ME3: variants seen among roughly 807,000 people sequenced by gnomAD.
ME3 encodes malic enzyme 3.
Under a neutral mutation model 68.9 loss-of-function variants are expected in ME3, and 48 were observed. The observed-to-expected ratio is 0.70, with a 90% confidence interval of 0.55 to 0.89. ME3 has a LOEUF of 0.89. ME3 is among the 40% of genes least tolerant of loss of function. The pLI is 0.00. For missense variants in ME3, 675 were observed against 797.4 expected, an observed-to-expected ratio of 0.85 and a Z score of 1.85; for synonymous variants, 320 against 318.8, an observed-to-expected ratio of 1.00 and a Z score of -0.04.
At chr11:86,643,128 A>T (rs1258838435) in intron 2 of ME3, among the ~76,000 whole-genome samples, 2 of 152,124 alleles carry the variant, frequency 1.3e-5, no homozygotes, top group African/African-American at 4.8e-5. Flanking sequence ...TATTCGTCAT[A>T]CAAGGTCCTC....
intron 4 of ME3, among the ~76,000 whole-genome samples, chr11:86,551,556 G>T (rs146167615): frequency 3.3e-5 from 5 of 152,108 alleles, no homozygotes; most frequent in Non-Finnish European, 5.9e-5. Flanking sequence ...ATTGGCTCTT[G>T]GTCAGCTGTG....
chr11:86,493,955 A>G (rs982816797), intron 6 of ME3, among the ~76,000 whole-genome samples: 2 of 152,174 alleles, frequency 1.3e-5, no homozygotes, highest in African/African-American at 2.4e-5. Flanking sequence ...ATAAAAGTGT[A>G]GAAGGCCAAG....
At chr11:86,498,317 C>A (rs1952500294) in intron 5 of ME3, among the ~76,000 whole-genome samples, 193 bp from the exon 6 acceptor site, 1 of 152,172 alleles carries the variant, frequency 6.6e-6, no homozygotes, top group Non-Finnish European at 1.5e-5. Flanking sequence ...AGGCTGGTGA[C>A]AAACCCTACT....
At chr11:86,494,962 A>T (rs941709374) in intron 6 of ME3, among the ~76,000 whole-genome samples, 1 of 152,234 alleles carries the variant, frequency 6.6e-6, no homozygotes. Context: ...TTTGGAAAGA[A>T]ACACAAATGC....
At chr11:86,604,329 A>T (rs931057821) in intron 2 of ME3, among the ~76,000 whole-genome samples, 1 of 152,062 alleles carries the variant, frequency 6.6e-6, no homozygotes, top group Non-Finnish European at 1.5e-5. Context: ...CCAGTCTTTC[A>T]GGTTAAATTT....
At chr11:86,508,508 A>C (rs1404295044) in intron 5 of ME3, among the ~76,000 whole-genome samples, 1 of 152,240 alleles carries the variant, frequency 6.6e-6, no homozygotes, top group African/African-American at 2.4e-5. Context: ...TCTACCATGG[A>C]AACTGGCACC....
downstream of ME3, among the ~76,000 whole-genome samples, chr11:86,437,715 A>C (rs554000914): frequency 6.6e-6 from 1 of 152,222 alleles, no homozygotes; most frequent in South Asian, 2.1e-4. Flanking sequence ...TTTTTGATGC[A>C]GTTGTAAATG....
chr11:86,491,917 T>C (rs1361572034), intron 6 of ME3, among the ~76,000 whole-genome samples: 1 of 152,240 alleles, frequency 6.6e-6, no homozygotes, highest in Non-Finnish European at 1.5e-5. Flanking sequence ...TGTCCTGTAT[T>C]TTTATTTGCT....
At chr11:86,638,882 C>A (rs755121684) in intron 2 of ME3, among the ~76,000 whole-genome samples, 1 of 152,126 alleles carries the variant, frequency 6.6e-6, no homozygotes, top group Non-Finnish European at 1.5e-5. Flanking sequence ...ACTTTACTCC[C>A]CCGACTTGCC....
intron 4 of ME3, among the ~76,000 whole-genome samples, chr11:86,521,889 G>A (rs1456927770): frequency 6.6e-6 from 1 of 152,004 alleles, no homozygotes; most frequent in Non-Finnish European, 1.5e-5. Context: ...CTGTGAAGTG[G>A]CTTACAGTTG....
At chr11:86,618,550 A>G (rs756522066) in intron 2 of ME3, among the ~76,000 whole-genome samples, 41 of 151,974 alleles carry the variant, frequency 2.7e-4, no homozygotes, top group Non-Finnish European at 5.4e-4. Flanking sequence ...GCTGGTCACA[A>G]TTGTTTCTGA....
intron 2 of ME3, among the ~76,000 whole-genome samples, chr11:86,640,375 G>A (rs1944594144): frequency 1.3e-5 from 2 of 152,216 alleles, no homozygotes; most frequent in Admixed American, 1.3e-4. Context: ...ATGGACCTCA[G>A]TGACCCTGAA....
intron 4 of ME3, among the ~76,000 whole-genome samples, chr11:86,531,245 G>A (rs1015610987): frequency 2.6e-5 from 4 of 152,182 alleles, no homozygotes; most frequent in Non-Finnish European, 5.9e-5. Context: ...GACACATCAA[G>A]AAATGCTCAT....
chr11:86,560,921 C>G (rs1957200163), intron 2 of ME3, among the ~76,000 whole-genome samples: 2 of 151,570 alleles, frequency 1.3e-5, no homozygotes, highest in South Asian at 2.1e-4. Context: ...GCACATACCC[C>G]TCTACTGGAA....
At chr11:86,561,976 T>A (rs1461317291) in intron 2 of ME3, among the ~76,000 whole-genome samples, 2 of 152,230 alleles carry the variant, frequency 1.3e-5, no homozygotes, top group Non-Finnish European at 2.9e-5. Flanking sequence ...TGTAAAGTTC[T>A]ATGGGTTTTG....
intron 4 of ME3, among the ~76,000 whole-genome samples, chr11:86,520,977 G>A (rs921860073): frequency 9.9e-5 from 15 of 152,152 alleles, no homozygotes; most frequent in African/African-American, 2.2e-4. Context: ...ACCAAGGCAC[G>A]CAGTTATCTG....
intron 7 of ME3, among the ~76,000 whole-genome samples, chr11:86,469,761 T>G (rs1037768763): frequency 1.3e-5 from 2 of 152,046 alleles, no homozygotes; most frequent in Non-Finnish European, 2.9e-5. Flanking sequence ...GGGACTCAGC[T>G]GGGAAATGGC....
At chr11:86,647,729 C>CA (rs1945120347) in intron 2 of ME3, among the ~76,000 whole-genome samples, 1 of 152,138 alleles carries the variant, frequency 6.6e-6, no homozygotes, top group South Asian at 2.1e-4. Context: ...TATATGCACC[C>CA]AGTACAGGAG....
intron 2 of ME3, 67 bp downstream of exon 2, chr11:86,671,695 G>A (rs1232951657): frequency 1.9e-6 from 3 of 1,573,386 alleles, no homozygotes; most frequent in Non-Finnish European, 1.7e-6. Context: ...GGGTCCAGGG[G>A]GCGGGGCGCA....
Sources: allele counts gnomAD v4.1 joint callset (sites outside exome capture counted in the v4.1 genomes callset), GRCh38; gene constraint gnomAD v4.1.1; transcripts MANE v1.5; gene names NCBI Gene and HGNC (gene_info 2026-07-23, HGNC 2026-07-21).